AAMDC: variants seen among roughly 807,000 people sequenced by gnomAD.
The protein encoded by AAMDC is adipogenesis associated Mth938 domain containing.
In AAMDC, 16 loss-of-function variants were observed where a neutral mutation model predicts 15.5. The observed-to-expected ratio is 1.03, with a 90% confidence interval of 0.70 to 1.57. The LOEUF is 1.57. Among genes scored for constraint, AAMDC ranks in the 40% most tolerant of loss-of-function variants. AAMDC has a pLI of 0.00. For missense variants in AAMDC, 141 were observed against 144.9 expected, an observed-to-expected ratio of 0.97 and a Z score of 0.14; for synonymous variants, 51 against 51.6, an observed-to-expected ratio of 0.99 and a Z score of 0.05.
At chr11:77,901,534 G>T (rs1295129126), downstream of AAMDC, 3 of 1,607,824 alleles carry the variant, frequency 1.9e-6, no homozygotes, top group Non-Finnish European at 2.6e-6. Flanking sequence ...ATTCCATTTT[G>T]TAGGTCTCTT....
chr11:77,837,485 C>T (rs1431077645), intron 1 of AAMDC, among the ~76,000 whole-genome samples: 2 of 145,654 alleles, frequency 1.4e-5, no homozygotes, highest in Non-Finnish European at 3.0e-5. Flanking sequence ...GATGGAGTCT[C>T]GCTCTGTCAC....
chr11:77,859,340 A>T (rs1489421602), intron 2 of AAMDC, among the ~76,000 whole-genome samples: 1 of 151,880 alleles, frequency 6.6e-6, no homozygotes, highest in East Asian at 1.9e-4. Flanking sequence ...TTCCTTTCTG[A>T]TGACCCCAGC....
chr11:77,887,971 T>A (rs1176034532), intron 5 of AAMDC, among the ~76,000 whole-genome samples: 1 of 152,148 alleles, frequency 6.6e-6, no homozygotes, highest in Non-Finnish European at 1.5e-5. Context: ...GTAGGAAGAA[T>A]CAATATTGTG....
chr11:77,889,392 G>A (rs577379310), intron 5 of AAMDC, among the ~76,000 whole-genome samples: 2 of 145,300 alleles, frequency 1.4e-5, no homozygotes, highest in Non-Finnish European at 3.0e-5. Context: ...CCCGGGGACT[G>A]TTGTGGGGTA....
At chr11:77,845,246 G>C (rs1950093875) in intron 2 of AAMDC, among the ~76,000 whole-genome samples, 1 of 151,986 alleles carries the variant, frequency 6.6e-6, no homozygotes, top group Non-Finnish European at 1.5e-5. Flanking sequence ...ATAGGCGTTA[G>C]GGTGTCCTAC....
chr11:77,864,849 C>T (rs1250807223), intron 2 of AAMDC, among the ~76,000 whole-genome samples: 1 of 152,138 alleles, frequency 6.6e-6, no homozygotes, highest in East Asian at 1.9e-4. Context: ...CATGGTGGCA[C>T]ATCTGTATTC....
chr11:77,867,384 T>A (rs1017939776), intron 2 of AAMDC, among the ~76,000 whole-genome samples: 1 of 152,196 alleles, frequency 6.6e-6, no homozygotes, highest in Non-Finnish European at 1.5e-5. Context: ...GTTTCCCACT[T>A]GGGTTTATTC....
intron 1 of AAMDC, among the ~76,000 whole-genome samples, chr11:77,836,608 C>G (rs574847194): frequency 6.6e-6 from 1 of 152,344 alleles, no homozygotes; most frequent in African/African-American, 2.4e-5. Context: ...AAGAAATCCT[C>G]AAAACATACT....
chr11:77,887,770 C>T (rs1013474946), intron 5 of AAMDC, among the ~76,000 whole-genome samples: 5 of 152,166 alleles, frequency 3.3e-5, no homozygotes, highest in African/African-American at 9.7e-5. Context: ...CATTCTTATA[C>T]GCCAATAACA....
At chr11:77,844,434 C>T (rs554933750) in intron 2 of AAMDC, among the ~76,000 whole-genome samples, 62 of 152,052 alleles carry the variant, frequency 4.1e-4, no homozygotes, top group African/African-American at 1.3e-3. Context: ...GAGATCATGG[C>T]GCACTGTAGT....
intron 2 of AAMDC, among the ~76,000 whole-genome samples, chr11:77,867,926 G>T (rs992432729): frequency 1.3e-5 from 2 of 152,086 alleles, no homozygotes; most frequent in African/African-American, 4.8e-5. Flanking sequence ...TATAGAGATT[G>T]TTATGAAATT....
chr11:77,835,472 C>CAT (rs5792779), intron 1 of AAMDC, among the ~76,000 whole-genome samples: 61,029 of 151,888 alleles, frequency 0.4, 12,871 homozygotes, highest in African/African-American at 0.52. Flanking sequence ...ATGTTTAACT[C>CAT]ATAGTGATTA....
In AAMDC at chr11:77,833,006, TA is replaced by T. The variant is rs1336767532; in HGVS notation, c.-18-9472del. ...GTGTGTGTGTGTGTGTGTATATATA[TA>T]TATTTTTTTTTTTTTTTTTTTTGAG... On this transcript the variant is annotated intron_variant, in intron 1 of 3. Transcript: ENST00000393427. Among the ~76,000 whole-genome samples, 24 of 86,804 alleles carry T rather than the reference TA, an allele frequency of 2.8e-4. 3 individuals carry two copies. The highest frequency in any genetic ancestry group is 5.1e-4 in the Admixed American group (4 of 7,850). 56.9% of individuals were successfully genotyped at this position (86,804 alleles called of 152,430 possible).
intron 2 of AAMDC, among the ~76,000 whole-genome samples, chr11:77,846,454 T>A (rs950411467): frequency 6.6e-6 from 1 of 152,152 alleles, no homozygotes; most frequent in South Asian, 2.1e-4. Flanking sequence ...CCCCATCGTC[T>A]CCTCAACTTT....
At chr11:77,882,667 C>T (rs1295484706) in intron 5 of AAMDC, among the ~76,000 whole-genome samples, 1 of 152,172 alleles carries the variant, frequency 6.6e-6, no homozygotes, top group Non-Finnish European at 1.5e-5. Context: ...CTGCTGGATG[C>T]TCCCTCAACT....
At chr11:77,880,379 C>T (rs1951745866) in intron 5 of AAMDC, among the ~76,000 whole-genome samples, 1 of 152,192 alleles carries the variant, frequency 6.6e-6, no homozygotes, top group African/African-American at 2.4e-5. Flanking sequence ...CAGAGCAATC[C>T]AGTGCACCTC....
chr11:77,833,011 T>A (rs202126675), intron 1 of AAMDC, among the ~76,000 whole-genome samples: 1,592 of 96,670 alleles, frequency 0.016, 132 homozygotes, highest in Middle Eastern at 0.044. Flanking sequence ...ATATATATAT[T>A]TTTTTTTTTT....
intron 5 of AAMDC, among the ~76,000 whole-genome samples, chr11:77,887,236 G>T (rs1193141759): frequency 6.6e-6 from 1 of 152,156 alleles, no homozygotes; most frequent in Non-Finnish European, 1.5e-5. Flanking sequence ...GATCAAGTGG[G>T]CTTCATCCCT....
At chr11:77,830,987 C>CA (rs59283485) in intron 1 of AAMDC, among the ~76,000 whole-genome samples, 3,426 of 100,316 alleles carry the variant, frequency 0.034, 96 homozygotes, top group African/African-American at 0.08. Flanking sequence ...CAAAATATAC[C>CA]AAAAAAAAAA....
Sources: allele counts gnomAD v4.1 joint callset (sites outside exome capture counted in the v4.1 genomes callset), GRCh38; gene constraint gnomAD v4.1.1; transcripts MANE v1.5; gene names NCBI Gene and HGNC (gene_info 2026-07-23, HGNC 2026-07-21).